TMEM108: variants seen among roughly 807,000 people sequenced by gnomAD.
TMEM108 encodes cancer/testis antigen 124.
A neutral mutation model predicts 35.1 loss-of-function variants in TMEM108; 12 were observed. The ratio of observed to expected loss-of-function variants is 0.34; its 90% CI spans 0.22 to 0.55. The LOEUF (loss-of-function observed/expected upper bound fraction) is 0.55, where lower values mean the gene tolerates loss of function less well. Among genes scored for constraint, TMEM108 ranks in the 20% least tolerant of loss-of-function variants. TMEM108 has a pLI of 0.89. For missense variants in TMEM108, 680 were observed against 753.3 expected, an observed-to-expected ratio of 0.90 and a Z score of 1.14; for synonymous variants, 287 against 308.6, an observed-to-expected ratio of 0.93 and a Z score of 0.73.
intron 2 of TMEM108, among the ~76,000 whole-genome samples, chr3:133,083,793 A>G (rs2107700345): frequency 6.6e-6 from 1 of 152,190 alleles, no homozygotes. Context: ...CAGTCATGTA[A>G]TTGGGGGGTG....
intron 3 of TMEM108, among the ~76,000 whole-genome samples, chr3:133,276,015 C>A (rs1946834021): frequency 6.6e-6 from 1 of 152,096 alleles, no homozygotes; most frequent in Non-Finnish European, 1.5e-5. Flanking sequence ...AAATCATCTC[C>A]CTTGTTTTGA....
intron 3 of TMEM108, among the ~76,000 whole-genome samples, chr3:133,315,300 C>CTTTTGAGTCCT (rs1296727668): frequency 1.3e-5 from 2 of 152,152 alleles, no homozygotes; most frequent in African/African-American, 4.8e-5. Context: ...AAAGAGAAGC[C>CTTTTGAGTCCT]GCTCAGAGCT....
chr3:133,181,669 A>T (rs1421694514), intron 2 of TMEM108, among the ~76,000 whole-genome samples: 1 of 152,160 alleles, frequency 6.6e-6, no homozygotes, highest in Non-Finnish European at 1.5e-5. Flanking sequence ...AGAAAAAGTA[A>T]TTATGCTCCA....
At chr3:133,376,419 C>G (rs113828438) in intron 3 of TMEM108, among the ~76,000 whole-genome samples, 3,197 of 152,216 alleles carry the variant, frequency 0.021, 109 homozygotes, top group African/African-American at 0.072. Flanking sequence ...CATCTGGTGC[C>G]TGGCCCCAGA....
At chr3:133,123,072 C>T (rs2107736035) in intron 2 of TMEM108, among the ~76,000 whole-genome samples, 1 of 152,256 alleles carries the variant, frequency 6.6e-6, no homozygotes, top group Middle Eastern at 3.4e-3. Flanking sequence ...ATGTAACACA[C>T]ATCTATGCTT....
chr3:133,285,369 T>A (rs1946969392), intron 3 of TMEM108, among the ~76,000 whole-genome samples: 1 of 152,232 alleles, frequency 6.6e-6, no homozygotes, highest in Non-Finnish European at 1.5e-5. Flanking sequence ...AATTTATTTT[T>A]TCTGTGGCTG....
At chr3:133,313,091 C>G (rs1475926909) in intron 3 of TMEM108, among the ~76,000 whole-genome samples, 1 of 152,102 alleles carries the variant, frequency 6.6e-6, no homozygotes, top group Non-Finnish European at 1.5e-5. Flanking sequence ...GTTTTCATTT[C>G]TCTTTAATCT....
At chr3:133,265,193 G>A (rs1317962416) in intron 3 of TMEM108, among the ~76,000 whole-genome samples, 1 of 152,230 alleles carries the variant, frequency 6.6e-6, no homozygotes, top group Non-Finnish European at 1.5e-5. Flanking sequence ...ATCATAGCCA[G>A]ACGTAGGCAA....
rs920590307 is a variant in TMEM108, at chr3:133,359,548, G to A, written c.41-20204G>A. On this transcript the variant is annotated intron_variant, in intron 3 of 5. Coordinates refer to ENST00000321871, the MANE Select transcript of TMEM108 (RefSeq NM_023943.4). ...ATGTAGCTAAGTGTTTGCTTGTGACGTTTTAATTGTGTCTGGAAAGGTCCA... is the reference window on the plus strand; with the variant it reads ...ATGTAGCTAAGTGTTTGCTTGTGACATTTTAATTGTGTCTGGAAAGGTCCA... Among the ~76,000 whole-genome samples the A allele has an allele frequency of 7.9e-5, 12 of 152,236 alleles. 1 individual carries two copies. The highest frequency in any genetic ancestry group is 4.2e-4 in the South Asian group (2 of 4,816).
intron 3 of TMEM108, among the ~76,000 whole-genome samples, chr3:133,262,022 T>C (rs1246652825): frequency 6.6e-6 from 1 of 152,226 alleles, no homozygotes; most frequent in Non-Finnish European, 1.5e-5. Context: ...CATATGTATT[T>C]GTTTCCTTAG....
intron 2 of TMEM108, among the ~76,000 whole-genome samples, chr3:133,224,289 T>G (rs1334717210): frequency 6.6e-6 from 1 of 152,138 alleles, no homozygotes; most frequent in Non-Finnish European, 1.5e-5. Context: ...GCCCTTGACT[T>G]GAAACATGGT....
At chr3:133,234,297 A>T (rs1946200005) in intron 3 of TMEM108, among the ~76,000 whole-genome samples, 2 of 152,206 alleles carry the variant, frequency 1.3e-5, no homozygotes. Context: ...TTAAATAGGG[A>T]ATCTCTGAAT....
At chr3:133,386,674 A>G in intron 4 of TMEM108, 1 of 1,400,978 alleles carries the variant, frequency 7.1e-7, no homozygotes, top group Non-Finnish European at 9.2e-7. Flanking sequence ...AGAGCAGTTG[A>G]AGCTTTTCAA....
intron 3 of TMEM108, among the ~76,000 whole-genome samples, chr3:133,308,084 T>G (rs1382629927): frequency 6.6e-6 from 1 of 152,170 alleles, no homozygotes; most frequent in African/African-American, 2.4e-5. Context: ...ACATCCCTTG[T>G]AAGTTGGATT....
In TMEM108 at chr3:133,179,123, T is replaced by G. The variant is rs1302615824; in HGVS notation, c.-46-50143T>G. Among the ~76,000 whole-genome samples, 1,283 of 151,656 alleles carry G rather than the reference T, an allele frequency of 8.5e-3. 20 individuals carry two copies. Among genetic ancestry groups the G allele is most frequent in the African/African-American group, 0.029 (1,193 of 41,416 alleles). On this transcript the variant is annotated intron_variant, in intron 2 of 5. Transcript: ENST00000321871. ...ACAATGAGATACCATCTCACACCAGTTAGAATGGCGATCATTAAAAAGTCA... is the reference window on the plus strand; with the variant it reads ...ACAATGAGATACCATCTCACACCAGGTAGAATGGCGATCATTAAAAAGTCA...
chr3:133,299,510 C>T (rs1400758378), intron 3 of TMEM108, among the ~76,000 whole-genome samples: 2 of 152,094 alleles, frequency 1.3e-5, no homozygotes, highest in Non-Finnish European at 2.9e-5. Flanking sequence ...TTCTGCAGTA[C>T]GTTTATATAG....
chr3:133,174,061 C>A (rs1265129212), intron 2 of TMEM108, among the ~76,000 whole-genome samples: 2 of 152,350 alleles, frequency 1.3e-5, no homozygotes, highest in Middle Eastern at 3.4e-3. Context: ...GGTCCTATTC[C>A]CACGGAGCCT....
intron 2 of TMEM108, among the ~76,000 whole-genome samples, chr3:133,125,794 T>A (rs1176312259): frequency 6.6e-6 from 1 of 152,242 alleles, no homozygotes; most frequent in Non-Finnish European, 1.5e-5. Flanking sequence ...TCAGAATGTA[T>A]ATGTTGGGAT....
chr3:133,267,036 G>A (rs113415168), intron 3 of TMEM108, among the ~76,000 whole-genome samples: 2,152 of 148,324 alleles, frequency 0.015, 63 homozygotes, highest in African/African-American at 0.051. Context: ...AGTCGAGATC[G>A]CGCCACTGCA....
Sources: gnomAD v4.1 joint callset for allele counts (sites outside exome capture counted in the v4.1 genomes callset) on GRCh38, gnomAD v4.1.1 for gene constraint, MANE v1.5 for transcripts, NCBI Gene and HGNC (gene_info 2026-07-23, HGNC 2026-07-21) for gene names.